FRK: variants seen among roughly 807,000 people sequenced by gnomAD.
FRK encodes tyrosine-protein kinase FRK.
In FRK, 51 loss-of-function variants were observed where a neutral mutation model predicts 56.4. The ratio of observed to expected loss-of-function variants is 0.90; its 90% confidence interval spans 0.72 to 1.14. The LOEUF (loss-of-function observed/expected upper bound fraction) is 1.14, where lower values mean the gene tolerates loss of function less well. Among genes scored for constraint, FRK ranks in the 50% most tolerant of loss-of-function variants. The pLI, the probability that FRK is intolerant of heterozygous loss-of-function variation, is 0.00. For missense variants in FRK, 570 were observed against 601.4 expected, an observed-to-expected ratio of 0.95 and a Z score of 0.55; for synonymous variants, 245 against 217.9, an observed-to-expected ratio of 1.12 and a Z score of -1.10.
In FRK at chr6:116,027,837, TA is replaced by T. The variant is rs995862850; in HGVS notation, c.345-23840del. On this transcript the variant is annotated intron_variant, in intron 1 of 7. Transcript: ENST00000606080. ...CAAAATGAAACATGAGCTTTGAGTT[TA>T]AAAAAAAAAAGGCTGATATATAGGA... Among the ~76,000 whole-genome samples, 832 of 143,648 alleles carry T rather than the reference TA, an allele frequency of 5.8e-3. 5 individuals are homozygous for T. Among genetic ancestry groups the T allele is most frequent in the African/African-American group, 0.017 (663 of 39,408 alleles). The allele number at this position is 143,648 out of a possible 152,430, so 94.2% of individuals were successfully genotyped here. A position where few individuals can be genotyped will look rare whatever the true frequency, so the allele number is the denominator to read the frequency against.
At chr6:115,996,595 C>A (rs1774850563) in intron 2 of FRK, among the ~76,000 whole-genome samples, 1 of 152,098 alleles carries the variant, frequency 6.6e-6, no homozygotes, top group South Asian at 2.1e-4. Flanking sequence ...TATTTGTAAT[C>A]CTACATGGCC....
At chr6:116,100,521 T>G in the FRK span, among the ~76,000 whole-genome samples, 1 of 151,876 alleles carries the variant, frequency 6.6e-6, no homozygotes, top group Non-Finnish European at 1.5e-5. Context: ...CGAGGCGCCC[T>G]GAGGCGATGG....
chr6:116,010,185 G>A (rs1353527301), intron 1 of FRK, among the ~76,000 whole-genome samples: 1 of 151,682 alleles, frequency 6.6e-6, no homozygotes, highest in East Asian at 1.9e-4. Context: ...TCATGCCATC[G>A]CCTGGGCAAC....
At chr6:116,041,070 C>T (rs536027541) in intron 1 of FRK, among the ~76,000 whole-genome samples, 1 of 152,090 alleles carries the variant, frequency 6.6e-6, no homozygotes, top group East Asian at 1.9e-4. Flanking sequence ...CTATCATTTT[C>T]CCGGGACCTA....
At chr6:116,030,317 C>T (rs1172863451) in intron 1 of FRK, among the ~76,000 whole-genome samples, 2 of 152,044 alleles carry the variant, frequency 1.3e-5, no homozygotes, top group South Asian at 2.1e-4. Flanking sequence ...CGTGGTTTTG[C>T]CAACTTACTT....
upstream of FRK, among the ~76,000 whole-genome samples, chr6:116,065,272 G>C (rs1777740059): frequency 6.6e-6 from 1 of 152,140 alleles, no homozygotes; most frequent in African/African-American, 2.4e-5. Flanking sequence ...CTCAGCACTA[G>C]GGCTTAGAGA....
intron 2 of FRK, among the ~76,000 whole-genome samples, chr6:115,982,675 T>C (rs1450459956): frequency 1.3e-5 from 2 of 152,018 alleles, no homozygotes; most frequent in African/African-American, 4.8e-5. Flanking sequence ...GTCCTATCCA[T>C]CACTATTCCT....
chr6:116,062,827 C>T (rs1777671881), upstream of FRK, among the ~76,000 whole-genome samples: 1 of 152,174 alleles, frequency 6.6e-6, no homozygotes. Flanking sequence ...CGTTTGCTCC[C>T]TGGTTTCTTT....
chr6:116,013,843 A>C (rs947356816), intron 1 of FRK, among the ~76,000 whole-genome samples: 6 of 152,146 alleles, frequency 3.9e-5, no homozygotes, highest in Non-Finnish European at 5.9e-5. Context: ...AAGGGTCAAT[A>C]ATGTCAAGTG....
chr6:116,075,670 T>C, the FRK span, among the ~76,000 whole-genome samples: 1 of 151,990 alleles, frequency 6.6e-6, no homozygotes, highest in African/African-American at 2.4e-5. Flanking sequence ...TTTTTAACAA[T>C]AAAAAAGTGC....
upstream of FRK, among the ~76,000 whole-genome samples, chr6:116,064,834 A>T (rs188474269): frequency 7.2e-5 from 11 of 152,264 alleles, no homozygotes; most frequent in African/African-American, 2.6e-4. Context: ...ACTTTATCCA[A>T]ACTTTATCAG....
intron 2 of FRK, among the ~76,000 whole-genome samples, chr6:115,992,522 T>C (rs1368003937): frequency 1.3e-5 from 2 of 151,740 alleles, no homozygotes. Context: ...TTTGAAAATT[T>C]CTTTTCTATA....
chr6:115,959,849 T>A (rs940120108), intron 4 of FRK, among the ~76,000 whole-genome samples: 1 of 152,172 alleles, frequency 6.6e-6, no homozygotes, highest in African/African-American at 2.4e-5. Context: ...AACACAGATT[T>A]ATCTTATATC....
chr6:116,072,444 C>T, the FRK span, among the ~76,000 whole-genome samples: 6 of 151,836 alleles, frequency 4.0e-5, no homozygotes, highest in Non-Finnish European at 8.8e-5. Context: ...TTGTACTTTC[C>T]TAACCCTTTG....
intron 1 of FRK, among the ~76,000 whole-genome samples, chr6:116,023,470 A>G (rs1409530425): frequency 6.6e-6 from 1 of 152,228 alleles, no homozygotes; most frequent in Admixed American, 6.6e-5. Context: ...CAAACTAATG[A>G]TACATACAAC....
At chr6:116,066,972 C>G in the FRK span, among the ~76,000 whole-genome samples, 1 of 152,172 alleles carries the variant, frequency 6.6e-6, no homozygotes, top group Admixed American at 6.5e-5. Flanking sequence ...TCCTAACCCT[C>G]AGCACTTCAG....
rs73770693 is a variant in FRK, at chr6:115,997,582, T to C, written c.466+6295A>G. On this transcript the variant is annotated intron_variant, in intron 2 of 7. Transcript: ENST00000606080. Reference sequence around the variant, plus strand: ...CCTCATTTAGCCAAAGCTACCACTATCCCCCAATCCCTCATGTCAGAGATC... The same window carrying C: ...CCTCATTTAGCCAAAGCTACCACTACCCCCCAATCCCTCATGTCAGAGATC... Among the ~76,000 whole-genome samples the C allele has an allele frequency of 4.9e-3, 746 of 152,160 alleles. 7 individuals are homozygous for C. The highest frequency in any genetic ancestry group is 0.017 in the African/African-American group (726 of 41,528).
At position 115,944,259 on chromosome 6, in the gene FRK, A is replaced by C. The variant is rs56259384; in HGVS notation, c.1125T>G (p.Leu375=). 12 of 1,605,542 alleles carry C rather than the reference A, an allele frequency of 7.5e-6. No individual in the cohort carries two copies. The East Asian group carries it at 2.5e-4, about 33-fold the overall frequency. ...CTAAATCCACCTTAAAAACTCTGGC[A>C]AGTCCAAAATCTGCTACTTTGTAGA... The part of the protein sequence containing the change: ...HNIYKVADFG[L]ARVFKVDNED... The change falls in exon 6 of 8, where the codon CTT becomes CTG. Residue 375 remains leucine (L), a synonymous_variant. Transcript: ENST00000606080.
the FRK span, among the ~76,000 whole-genome samples, chr6:116,080,109 A>G: frequency 6.6e-6 from 1 of 152,206 alleles, no homozygotes; most frequent in Admixed American, 6.5e-5. Context: ...ATAGCATAAA[A>G]CATTAGAAGA....
Sources: gnomAD v4.1 joint callset for allele counts (sites outside exome capture counted in the v4.1 genomes callset) on GRCh38, gnomAD v4.1.1 for gene constraint, MANE v1.5 for transcripts, NCBI Gene and HGNC (gene_info 2026-07-23, HGNC 2026-07-21) for gene names.